The following NLRC5 variants were observed in gnomAD, a reference collection of about 807,000 sequenced individuals.
The protein encoded by NLRC5 is NLR family CARD domain containing 5.
NLRC5 carries 114 observed loss-of-function variants against 206.9 expected under a neutral mutation model. The ratio of observed to expected loss-of-function variants is 0.55; its 90% CI spans 0.47 to 0.64. NLRC5 has a LOEUF of 0.64. NLRC5 is among the 30% of genes least tolerant of loss of function. The pLI, the probability that NLRC5 is intolerant of heterozygous loss-of-function variation, is 0.00. For missense variants in NLRC5, 2,008 were observed against 2,305.5 expected (o/e 0.87, Z 2.64); for synonymous variants, 952 against 962.8 (o/e 0.99, Z 0.21).
intron 23 of NLRC5, 81 bp downstream of exon 23, chr16:57,047,709 G>A: frequency 8.5e-7 from 1 of 1,173,740 alleles, no homozygotes; most frequent in Non-Finnish European, 1.3e-6. Flanking sequence ...TTGGTTAGAA[G>A]ACAGGTGAGT....
At chr16:57,055,210 C>A in intron 26 of NLRC5, 116 bp downstream of exon 26, 3 of 1,159,146 alleles carry the variant, frequency 2.6e-6, no homozygotes, top group Non-Finnish European at 3.9e-6. Flanking sequence ...TCCCCTGGAA[C>A]AACCCTGCAG....
intron 1 of NLRC5, among the ~76,000 whole-genome samples, chr16:57,011,219 C>G (rs1004337718): frequency 3.3e-5 from 5 of 151,568 alleles, no homozygotes; most frequent in Non-Finnish European, 7.4e-5. Flanking sequence ...TCGAGACCAA[C>G]CTGACCAATA....
intron 16 of NLRC5, among the ~76,000 whole-genome samples, chr16:57,040,364 T>C (rs2063132219): frequency 6.6e-6 from 1 of 152,062 alleles, no homozygotes; most frequent in Non-Finnish European, 1.5e-5. Flanking sequence ...GAAGCACAGA[T>C]GAGGAGGAGG....
chr16:57,079,427 G>A, intron 45 of NLRC5, 119 bp from the exon 46 acceptor site: 1 of 1,378,762 alleles, frequency 7.3e-7, no homozygotes, highest in Non-Finnish European at 1.0e-6. Flanking sequence ...GCTCAAGAAA[G>A]GAAGTCTTTC....
chr16:57,081,267 G>A, intron 47 of NLRC5, 86 bp downstream of exon 47: 1 of 1,329,164 alleles, frequency 7.5e-7, no homozygotes, highest in Non-Finnish European at 1.0e-6. Context: ...TCAGTCCCCT[G>A]CCTCCCAGAA....
chr16:57,045,456 G>T lies in NLRC5; in HGVS notation c.3212G>T (p.Ser1071Ile). 1.9e-6 allele frequency: 3 copies of T among 1,614,106 alleles called. No homozygotes were observed. The highest frequency in any genetic ancestry group is 2.5e-6 in the Non-Finnish European group (3 of 1,180,014). The change falls in exon 21 of 49, where the codon AGC becomes ATC. Residue 1071 changes from serine to isoleucine, a missense_variant. Ser to Ile is a moderately radical substitution (Grantham distance 142, BLOSUM62 -2). Coordinates refer to ENST00000688547, the MANE Select transcript of NLRC5 (RefSeq NM_001384950.1). The part of the protein sequence containing the change: ...WLFRLDISFE[S>I]QHILLRGDKT... ...TTCCTCTCTGCTTCCAGCTTTGAAA[G>T]CCAACACATCCTCCTGAGAGGGGAC...
intron 1 of NLRC5, chr16:56,991,948 C>T (rs2056932089): frequency 6.6e-6 from 1 of 152,166 alleles, no homozygotes. Flanking sequence ...AAGATGAGGT[C>T]ATACTGGAGT....
intron 24 of NLRC5, among the ~76,000 whole-genome samples, chr16:57,053,498 A>G (rs983475950): frequency 6.6e-6 from 1 of 152,024 alleles, no homozygotes; most frequent in Non-Finnish European, 1.5e-5. Flanking sequence ...TGTTCCTGGG[A>G]ACATGAAAGG....
rs66917392 is a variant in NLRC5, at chr16:57,030,614, AGATGGATGGATGGATG to A, written c.2417+567_2417+582del. ...TGAAAAGATGGATAGGTGTGTGAAA[AGATGGATGGATGGATG>A]GATGGATGGATGGATGGATGGATGG... On this transcript the variant is annotated intron_variant, in intron 10 of 48. Coordinates refer to ENST00000688547, the MANE Select transcript of NLRC5 (RefSeq NM_001384950.1). 2.2e-3 allele frequency among the ~76,000 whole-genome samples: 314 copies of A among 141,214 alleles called. 2 individuals are homozygous for A. The highest frequency in any genetic ancestry group is 6.3e-3 in the African/African-American group (237 of 37,524). 92.6% of individuals were successfully genotyped at this position (141,214 alleles called of 152,430 possible).
At chr16:57,016,343 A>G (rs1165970895) in intron 1 of NLRC5, among the ~76,000 whole-genome samples, 3 of 152,226 alleles carry the variant, frequency 2.0e-5, no homozygotes, top group African/African-American at 7.2e-5. Context: ...CCATTATGTC[A>G]GAATGTGCCC....
intron 33 of NLRC5, among the ~76,000 whole-genome samples, chr16:57,065,875 C>T (rs529756017): frequency 1.5e-3 from 224 of 152,352 alleles, no homozygotes; most frequent in African/African-American, 5.0e-3. Flanking sequence ...CTTCTTCCTT[C>T]TCTCCTCCAG....
intron 1 of NLRC5, among the ~76,000 whole-genome samples, chr16:57,010,961 A>G (rs2059425215): frequency 6.6e-6 from 1 of 152,158 alleles, no homozygotes; most frequent in Admixed American, 6.5e-5. Context: ...GGTCCTAAAA[A>G]GGGTCCACAG....
At chr16:57,039,308 T>C (rs1435737075) in intron 15 of NLRC5, among the ~76,000 whole-genome samples, 3 of 152,162 alleles carry the variant, frequency 2.0e-5, no homozygotes, top group East Asian at 3.8e-4. Context: ...TTGTGAAATA[T>C]CTGTGGTAGA....
rs1244378458 is a variant in NLRC5, at chr16:57,033,556, G to A, written c.2478-48G>A. 1.9e-6 allele frequency: 3 copies of A among 1,587,214 alleles called. No homozygotes were observed. The African/African-American group carries it at 4.0e-5, about 21-fold the overall frequency. Reference sequence around the variant, plus strand: ...CCAAGGAAAGAGGCTTGATCCACCAGGCCCTAGATGCCTGAGCCCAGGCCA... The same window carrying A: ...CCAAGGAAAGAGGCTTGATCCACCAAGCCCTAGATGCCTGAGCCCAGGCCA... On this transcript the variant is annotated intron_variant, in intron 11 of 48. Transcript: ENST00000688547.
chr16:57,017,868 A>G (rs548254268), intron 2 of NLRC5, among the ~76,000 whole-genome samples: 137 of 152,346 alleles, frequency 9.0e-4, no homozygotes, highest in South Asian at 1.7e-3. Context: ...AATGCCTACC[A>G]CAGAGAATTA....
intron 1 of NLRC5, chr16:57,004,214 G>A (rs556425680): frequency 6.6e-6 from 1 of 152,588 alleles, no homozygotes; most frequent in Non-Finnish European, 1.5e-5. Context: ...AGCAGGTGCA[G>A]GAGAGGCCTA....
chr16:57,062,908 T>C (rs2066684552), intron 32 of NLRC5, among the ~76,000 whole-genome samples: 1 of 152,016 alleles, frequency 6.6e-6, no homozygotes, highest in African/African-American at 2.4e-5. Flanking sequence ...AACACCCCAT[T>C]TCCCCCCTAC....
intron 6 of NLRC5, 23 bp downstream of exon 6, chr16:57,027,041 C>G (rs760889033): frequency 3.1e-6 from 5 of 1,600,734 alleles, no homozygotes; most frequent in Non-Finnish European, 4.3e-6. Context: ...GGAGGAGGAC[C>G]GGGGAGGGGA....
chr16:57,016,980 C>G (rs530526408), intron 1 of NLRC5, 94 bp from the exon 2 acceptor site: 20 of 152,974 alleles, frequency 1.3e-4, no homozygotes, highest in African/African-American at 4.3e-4. Flanking sequence ...AGATGTGTCT[C>G]CGGCAGGCAG....
Sources: gnomAD v4.1 joint callset for allele counts (sites outside exome capture counted in the v4.1 genomes callset) on GRCh38, gnomAD v4.1.1 for gene constraint, MANE v1.5 for transcripts, NCBI Gene and HGNC (gene_info 2026-07-23, HGNC 2026-07-21) for gene names.